The following PLCH1 variants were observed in gnomAD, a reference collection of about 807,000 sequenced individuals.
PLCH1 encodes the protein 1-phosphatidylinositol 4,5-bisphosphate phosphodiesterase eta-1.
A neutral mutation model predicts 126.7 loss-of-function variants in PLCH1; 60 were observed. That is an observed-to-expected ratio of 0.47 (90% CI 0.38 to 0.59). PLCH1 has a LOEUF of 0.59. Ranked by LOEUF, PLCH1 falls within the 20% of genes least tolerant of loss-of-function variation. The pLI is 0.00. For synonymous variants in PLCH1, 719 were observed against 734.9 expected (o/e 0.98, Z 0.35); for missense variants, 1,723 against 2,040.0 (o/e 0.84, Z 2.99).
At chr3:155,526,440 T>C (rs1412500640) in intron 10 of PLCH1, among the ~76,000 whole-genome samples, 1 of 151,074 alleles carries the variant, frequency 6.6e-6, no homozygotes, top group Non-Finnish European at 1.5e-5. Context: ...TCTCTCTCTC[T>C]CTTTTTCTCT....
At chr3:155,550,897 G>A (rs1009971415) in intron 9 of PLCH1, among the ~76,000 whole-genome samples, 3 of 152,116 alleles carry the variant, frequency 2.0e-5, no homozygotes, top group South Asian at 2.1e-4. Flanking sequence ...GGCTATGACC[G>A]CCAGACCTAC....
At chr3:155,735,299 C>T (rs1251842704) in intron 1 of PLCH1, among the ~76,000 whole-genome samples, 1 of 152,102 alleles carries the variant, frequency 6.6e-6, no homozygotes, top group East Asian at 1.9e-4. Flanking sequence ...TATTGTACAA[C>T]ATGATGACTA....
At chr3:155,579,911 T>TCA (rs988427565) in intron 6 of PLCH1, among the ~76,000 whole-genome samples, 5 of 151,236 alleles carry the variant, frequency 3.3e-5, no homozygotes, top group East Asian at 1.9e-4. Flanking sequence ...TCTCTCTCTC[T>TCA]CACACACACA....
intron 4 of PLCH1, among the ~76,000 whole-genome samples, chr3:155,589,054 T>C (rs779369396): frequency 1.3e-5 from 2 of 152,162 alleles, no homozygotes; most frequent in Non-Finnish European, 2.9e-5. Flanking sequence ...ACCATAATAA[T>C]TTTAAAAAGA....
intron 12 of PLCH1, among the ~76,000 whole-genome samples, chr3:155,509,186 C>T (rs200402948): frequency 3.7e-5 from 5 of 135,258 alleles, no homozygotes; most frequent in Non-Finnish European, 7.7e-5. Context: ...CATTTCTGTG[C>T]GATCAGTGGT....
chr3:155,734,794 C>T (rs922960052), intron 1 of PLCH1, among the ~76,000 whole-genome samples: 16 of 151,656 alleles, frequency 1.1e-4, no homozygotes, highest in African/African-American at 3.1e-4. Flanking sequence ...CTGCAACCTC[C>T]GCCTCCCAGG....
rs796818041 is a variant in PLCH1 at position 155,458,453 on chromosome 3, GGAAAGAAAGAAA to G, written c.2938+26891_2938+26902del. ...AGGAAGGAAGGAAGGAAGGAAGGAA[GGAAAGAAAGAAA>G]GAAAGAAAGAAAGAAAGAAAGAAAG... On this transcript the variant is annotated intron_variant, in intron 21 of 21. Transcript: ENST00000494598. 3.3e-3 allele frequency among the ~76,000 whole-genome samples: 96 copies of G among 28,664 alleles called. 4 individuals carry two copies. The highest frequency in any genetic ancestry group is 0.011 in the Admixed American group (29 of 2,602). The allele number at this position is 28,664 out of a possible 152,430, so 18.8% of individuals were successfully genotyped here.
At chr3:155,663,669 C>G (rs539875329) in intron 2 of PLCH1, among the ~76,000 whole-genome samples, 1 of 152,258 alleles carries the variant, frequency 6.6e-6, no homozygotes, top group South Asian at 2.1e-4. Context: ...CTTATTTACC[C>G]AGCTATCCTT....
intron 2 of PLCH1, among the ~76,000 whole-genome samples, chr3:155,655,822 T>A (rs568820508): frequency 1.3e-5 from 2 of 152,146 alleles, no homozygotes; most frequent in South Asian, 4.2e-4. Flanking sequence ...AAAGAAAGCA[T>A]TCAGAAAAGA....
rs528996533 is a variant in PLCH1 at position 155,637,459 on chromosome 3, AATAAAATGCCATGTAG to A, written c.80-41097_80-41082del. ...TGAGAAAAGTCCTAAGGATGAGCAAAATAAAATGCCATGTAGATAAGGATCCATATCTGTAGATAAG... is the reference window on the plus strand; with the variant it reads ...TGAGAAAAGTCCTAAGGATGAGCAAAATAAGGATCCATATCTGTAGATAAG... On this transcript the variant is annotated intron_variant, in intron 2 of 22. Coordinates refer to ENST00000460012, the MANE Select transcript of PLCH1 (RefSeq NM_014996.4). Among the ~76,000 whole-genome samples, 600 of 152,326 alleles carry A rather than the reference AATAAAATGCCATGTAG, an allele frequency of 3.9e-3. 4 individuals carry two copies. Among genetic ancestry groups the A allele is most frequent in the African/African-American group, 0.014 (581 of 41,582 alleles).
At chr3:155,547,350 A>G (rs1316664605) in intron 10 of PLCH1, among the ~76,000 whole-genome samples, 1 of 151,696 alleles carries the variant, frequency 6.6e-6, no homozygotes, top group East Asian at 1.9e-4. Flanking sequence ...ATACCATCTC[A>G]CACCAGTTAG....
intron 10 of PLCH1, among the ~76,000 whole-genome samples, chr3:155,543,540 C>A (rs1236011064): frequency 6.6e-6 from 1 of 152,136 alleles, no homozygotes; most frequent in Non-Finnish European, 1.5e-5. Context: ...ACAGAGAACG[C>A]CATAAAGATA....
intron 1 of PLCH1, among the ~76,000 whole-genome samples, chr3:155,728,400 ATTATT>A (rs1193032847): frequency 2.0e-5 from 3 of 152,140 alleles, no homozygotes; most frequent in Admixed American, 6.5e-5. Context: ...TTTTGCAAGT[ATTATT>A]TTATTTAGTC....
At position 155,735,215 on chromosome 3, in the gene PLCH1, G is replaced by T. The variant is rs1251097841; in HGVS notation, c.-41+9625C>A. On this transcript the variant is annotated intron_variant, in intron 1 of 22. Transcript: ENST00000460012. ...AGTTACCAGGGACTGCGATGTGACT[G>T]GGTGGCGGGTGGGGAAGATGCTGGT... Among the ~76,000 whole-genome samples the T allele has an allele frequency of 7.2e-5, 11 of 152,202 alleles. No individual in the cohort carries two copies. In the East Asian group the frequency reaches 1.9e-3, roughly 27 times the overall value.
intron 12 of PLCH1, among the ~76,000 whole-genome samples, chr3:155,512,809 A>C (rs1331605476): frequency 6.6e-6 from 1 of 152,222 alleles, no homozygotes; most frequent in Non-Finnish European, 1.5e-5. Flanking sequence ...TGAAGACAGG[A>C]GAGTGACATG....
At chr3:155,599,470 C>T (rs903657429) in intron 2 of PLCH1, among the ~76,000 whole-genome samples, 2 of 152,096 alleles carry the variant, frequency 1.3e-5, no homozygotes, top group Non-Finnish European at 2.9e-5. Flanking sequence ...ATGTATGATT[C>T]CATGAGCTAG....
At chr3:155,637,208 G>A (rs576367657) in intron 2 of PLCH1, among the ~76,000 whole-genome samples, 1 of 152,226 alleles carries the variant, frequency 6.6e-6, no homozygotes, top group East Asian at 1.9e-4. Context: ...ACTATACCTG[G>A]ATGCAGAAAT....
chr3:155,542,382 G>A (rs572505584), intron 10 of PLCH1, among the ~76,000 whole-genome samples: 12 of 152,212 alleles, frequency 7.9e-5, no homozygotes, highest in African/African-American at 2.7e-4. Context: ...AAGCAGCCTG[G>A]AAGCTCGAAC....
At chr3:155,564,279 G>T (rs796196919) in intron 8 of PLCH1, among the ~76,000 whole-genome samples, 4 of 152,030 alleles carry the variant, frequency 2.6e-5, no homozygotes, top group African/African-American at 9.6e-5. Context: ...AAAACAAAGA[G>T]CTTGGCCAGG....
Sources: allele counts gnomAD v4.1 joint callset (sites outside exome capture counted in the v4.1 genomes callset), GRCh38; gene constraint gnomAD v4.1.1; transcripts MANE v1.5; gene names NCBI Gene and HGNC (gene_info 2026-07-23, HGNC 2026-07-21).